The following COL14A1 variants were observed in gnomAD, a reference collection of about 807,000 sequenced individuals.
COL14A1 encodes collagen alpha-1(XIV) chain.
A neutral mutation model predicts 230.3 loss-of-function variants in COL14A1; 136 were observed. That is an observed-to-expected ratio of 0.59 (90% confidence interval 0.51 to 0.68). COL14A1 has a LOEUF of 0.68. Ranked by LOEUF, COL14A1 falls within the 30% of genes least tolerant of loss-of-function variation. The pLI is 0.00. For missense variants in COL14A1, 1,976 were observed against 2,215.8 expected, an observed-to-expected ratio of 0.89 and a Z score of 2.17; for synonymous variants, 792 against 784.1, an observed-to-expected ratio of 1.01 and a Z score of -0.17.
chr8:120,226,602 C>A, intron 15 of COL14A1, 25 bp from the exon 16 acceptor site: 1 of 1,610,914 alleles, frequency 6.2e-7, no homozygotes, highest in Non-Finnish European at 8.5e-7. Context: ...ATTTCCCTAA[C>A]AAAACCTCCT....
intron 3 of COL14A1, 84 bp downstream of exon 3, chr8:120,158,330 G>A (rs1412746622): frequency 2.5e-6 from 2 of 801,642 alleles, no homozygotes; most frequent in Non-Finnish European, 4.3e-6. Flanking sequence ...CAAGCATTGT[G>A]TTAGGATTTT....
Position 120,310,077 on chromosome 8 carries a change from T to TTCTC in COL14A1, c.4455+25_4455+28dup, listed in dbSNP as rs761034305. The TTCTC allele has an allele frequency of 3.7e-6, 6 of 1,600,300 alleles. No individual in the cohort carries two copies. The South Asian group carries it at 6.7e-5, about 18-fold the overall frequency. Reference sequence around the variant, plus strand: ...CGGGTCCAAAGGTAATGCGCATGTTTTCTCTCTCTCTCTGTCTCATCTCTC... The same window carrying TTCTC: ...CGGGTCCAAAGGTAATGCGCATGTTTTCTCTCTCTCTCTCTCTGTCTCATCTCTC... On this transcript the variant is annotated intron_variant, in intron 37 of 47. Coordinates refer to ENST00000297848, the MANE Select transcript of COL14A1 (RefSeq NM_021110.4).
At chr8:120,124,720 CA>C, upstream of COL14A1, among the ~76,000 whole-genome samples, 1 of 152,244 alleles carries the variant, frequency 6.6e-6, no homozygotes, top group Non-Finnish European at 1.5e-5. Flanking sequence ...CGCGGGAAGG[CA>C]AAGTCTGTCT....
chr8:120,243,563 A>T (rs1159089334), intron 19 of COL14A1, among the ~76,000 whole-genome samples: 17 of 152,240 alleles, frequency 1.1e-4, no homozygotes, highest in Admixed American at 1.1e-3. Context: ...ATCTATAAAC[A>T]CCTGCTATCT....
intron 1 of COL14A1, among the ~76,000 whole-genome samples, chr8:120,137,415 T>C (rs1338046102): frequency 6.6e-6 from 1 of 152,136 alleles, no homozygotes; most frequent in Non-Finnish European, 1.5e-5. Context: ...GAAGCAAATA[T>C]TGGTTTTGTT....
At chr8:120,191,219 T>G (rs71532482) in intron 5 of COL14A1, among the ~76,000 whole-genome samples, 2 of 136,774 alleles carry the variant, frequency 1.5e-5, no homozygotes, top group Admixed American at 7.3e-5. Flanking sequence ...GCTTTGAATG[T>G]GTCCCAGAGA....
At chr8:120,162,664 A>AT in intron 4 of COL14A1, 95 bp downstream of exon 4, 1 of 1,121,254 alleles carries the variant, frequency 8.9e-7, no homozygotes, top group Non-Finnish European at 1.2e-6. Flanking sequence ...AAAATTCTAG[A>AT]TTTTTCAGAT....
chr8:120,345,679 T>G (rs1451298432), intron 45 of COL14A1, 116 bp downstream of exon 45: 2 of 880,818 alleles, frequency 2.3e-6, no homozygotes, highest in Non-Finnish European at 3.2e-6. Flanking sequence ...AAATTAATTC[T>G]GCCCCATCTA....
intron 44 of COL14A1, 147 bp downstream of exon 44, chr8:120,342,593 A>G (rs1822344745): frequency 1.3e-6 from 1 of 747,728 alleles, no homozygotes. Context: ...ACCATCACTG[A>G]CCCATCAAAG....
At chr8:120,355,933 C>T (rs1822968427) in intron 45 of COL14A1, among the ~76,000 whole-genome samples, 1 of 152,116 alleles carries the variant, frequency 6.6e-6, no homozygotes, top group South Asian at 2.1e-4. Context: ...TTCAGTTTGG[C>T]AGATAGATAA....
At chr8:120,279,290 G>A (rs140137760) in intron 28 of COL14A1, among the ~76,000 whole-genome samples, 3 of 151,898 alleles carry the variant, frequency 2.0e-5, no homozygotes, top group East Asian at 3.9e-4. Flanking sequence ...TCTTCAGCAC[G>A]TGTATCCCAG....
intron 1 of COL14A1, among the ~76,000 whole-genome samples, chr8:120,142,031 C>G (rs527431427): frequency 6.6e-6 from 1 of 152,190 alleles, no homozygotes; most frequent in South Asian, 2.1e-4. Context: ...CCACACTTGG[C>G]CAGGGATGTC....
rs375436062 is a variant in COL14A1 at position 120,206,672 on chromosome 8, A to T, written c.1040-271A>T. ...CTGTTAATGTTTGTTTTTATTATTT[A>T]TTAACAATGACCTTAATTTAAGAAA... On this transcript the variant is annotated intron_variant, in intron 9 of 47. Coordinates refer to ENST00000297848, the MANE Select transcript of COL14A1 (RefSeq NM_021110.4). Among the ~76,000 whole-genome samples, 5 of 152,276 alleles carry T rather than the reference A, an allele frequency of 3.3e-5. No homozygotes were observed. In the East Asian group the frequency reaches 9.6e-4, roughly 29 times the overall value.
intron 19 of COL14A1, among the ~76,000 whole-genome samples, chr8:120,233,283 T>C (rs1052750530): frequency 2.6e-5 from 4 of 152,188 alleles, no homozygotes; most frequent in African/African-American, 9.7e-5. Context: ...TAGATCCCAT[T>C]TGTCTATTTT....
chr8:120,150,047 CA>C (rs1402014826), intron 2 of COL14A1, among the ~76,000 whole-genome samples: 2 of 152,210 alleles, frequency 1.3e-5, no homozygotes, highest in East Asian at 3.9e-4. Context: ...GTGTCAAGTT[CA>C]AGATACAAAG....
chr8:120,368,715 A>G (rs1050515404), intron 46 of COL14A1, among the ~76,000 whole-genome samples: 5 of 152,180 alleles, frequency 3.3e-5, no homozygotes, highest in Admixed American at 1.3e-4. Flanking sequence ...AGCTTAAAGA[A>G]ATTTTGGATT....
chr8:120,131,800 A>ATGGTATT (rs1195194808), intron 1 of COL14A1, among the ~76,000 whole-genome samples: 12 of 149,652 alleles, frequency 8.0e-5, no homozygotes, highest in Admixed American at 8.0e-4. Flanking sequence ...TGTGTCTGGA[A>ATGGTATT]TGGTATTTGC....
At chr8:120,194,871 A>G (rs896648295) in intron 5 of COL14A1, among the ~76,000 whole-genome samples, 5 of 152,160 alleles carry the variant, frequency 3.3e-5, no homozygotes, top group African/African-American at 1.2e-4. Flanking sequence ...GGTTATGTCC[A>G]AAAAACAAAT....
At chr8:120,259,482 G>A (rs1329235618) in intron 23 of COL14A1, among the ~76,000 whole-genome samples, 1 of 152,116 alleles carries the variant, frequency 6.6e-6, no homozygotes, top group Non-Finnish European at 1.5e-5. Context: ...CAGTTTGAAT[G>A]TTTTCCTTAA....
Sources: allele counts gnomAD v4.1 joint callset (sites outside exome capture counted in the v4.1 genomes callset), GRCh38; gene constraint gnomAD v4.1.1; transcripts MANE v1.5; gene names NCBI Gene and HGNC (gene_info 2026-07-23, HGNC 2026-07-21).